CPAMD8: variants seen among roughly 807,000 people sequenced by gnomAD.
The protein encoded by CPAMD8 is C3 and PZP-like alpha-2-macroglobulin domain-containing protein 8.
In CPAMD8, 146 loss-of-function variants were observed where a neutral mutation model predicts 224.7. The ratio of observed to expected loss-of-function variants is 0.65; its 90% CI spans 0.57 to 0.75. The LOEUF is 0.75. CPAMD8 is among the 30% of genes least tolerant of loss of function. The pLI is 0.00. For missense variants in CPAMD8, 2,301 were observed against 2,537.5 expected (o/e 0.91, Z 2.00); for synonymous variants, 966 against 1,044.6 (o/e 0.92, Z 1.45).
chr19:17,008,685 T>G, intron 6 of CPAMD8, 126 bp from the exon 7 acceptor site: 2 of 1,081,114 alleles, frequency 1.8e-6, no homozygotes, highest in Non-Finnish European at 2.8e-6. Flanking sequence ...GTCCCAAGAT[T>G]AATCATTAAC....
intron 8 of CPAMD8, among the ~76,000 whole-genome samples, chr19:17,003,491 A>T (rs1382982391): frequency 6.6e-6 from 1 of 151,210 alleles, no homozygotes; most frequent in Non-Finnish European, 1.5e-5. Context: ...AGCCACCACC[A>T]TGCCTGGCCT....
chr19:16,923,378 C>T (rs777488881), intron 26 of CPAMD8, among the ~76,000 whole-genome samples: 23 of 152,114 alleles, frequency 1.5e-4, no homozygotes, highest in Non-Finnish European at 3.1e-4. Flanking sequence ...GAAGGCAGAG[C>T]TACTCAGCCA....
At chr19:16,932,862 A>G (rs894848778) in intron 23 of CPAMD8, among the ~76,000 whole-genome samples, 1 of 152,260 alleles carries the variant, frequency 6.6e-6, no homozygotes, top group African/African-American at 2.4e-5. Context: ...CCAAATGGGT[A>G]TAATTCAAAA....
intron 9 of CPAMD8, 74 bp downstream of exon 9, chr19:17,002,192 C>A: frequency 9.7e-7 from 1 of 1,027,740 alleles, no homozygotes; most frequent in South Asian, 1.4e-5. Flanking sequence ...GGGGAACGAC[C>A]TTGAGGGAGC....
chr19:16,986,487 C>A (rs1432921503), intron 13 of CPAMD8, among the ~76,000 whole-genome samples: 1 of 152,188 alleles, frequency 6.6e-6, no homozygotes, highest in Non-Finnish European at 1.5e-5. Context: ...CCCTGCACCA[C>A]TGGTTTAATG....
chr19:16,910,079 TG>T (rs1231684360), intron 29 of CPAMD8, among the ~76,000 whole-genome samples: 9 of 151,936 alleles, frequency 5.9e-5, no homozygotes, highest in Non-Finnish European at 1.0e-4. Flanking sequence ...CTCGGACTCC[TG>T]GACCCATGTG....
intron 21 of CPAMD8, among the ~76,000 whole-genome samples, chr19:16,946,186 T>C (rs758207529): frequency 8.0e-5 from 12 of 150,696 alleles, no homozygotes; most frequent in Non-Finnish European, 1.8e-4. Flanking sequence ...TTTGTGTGTG[T>C]GTGTGCATGT....
chr19:16,980,381 A>C, intron 14 of CPAMD8, 116 bp downstream of exon 14: 1 of 933,020 alleles, frequency 1.1e-6, no homozygotes, highest in Middle Eastern at 3.4e-4. Context: ...CCTCTGACCC[A>C]AGGCATGCTC....
chr19:17,004,492 C>T, intron 7 of CPAMD8, 106 bp from the exon 8 acceptor site: 1 of 693,466 alleles, frequency 1.4e-6, no homozygotes, highest in Non-Finnish European at 2.5e-6. Context: ...TGAGCAGCCC[C>T]CCAGGAGAAC....
chr19:16,945,056 G>A (rs938172936), intron 22 of CPAMD8, among the ~76,000 whole-genome samples: 56 of 152,242 alleles, frequency 3.7e-4, no homozygotes, highest in African/African-American at 1.1e-3. Flanking sequence ...CTTACAGAGC[G>A]GGGCTGGAAA....
chr19:17,014,270 G>A (rs1266270297), intron 3 of CPAMD8, among the ~76,000 whole-genome samples: 1 of 151,580 alleles, frequency 6.6e-6, no homozygotes, highest in Non-Finnish European at 1.5e-5. Flanking sequence ...TGTTGCCCAG[G>A]CTGGGCTCAA....
intron 22 of CPAMD8, among the ~76,000 whole-genome samples, chr19:16,939,192 TATCTATCTATG>T: frequency 1.2e-5 from 1 of 83,414 alleles, no homozygotes; most frequent in East Asian, 3.3e-4. Context: ...TTTATTTATC[TATCTATCTATG>T]TATCTATCTA....
At chr19:16,922,367 C>T (rs1296850999) in intron 26 of CPAMD8, among the ~76,000 whole-genome samples, 4 of 139,362 alleles carry the variant, frequency 2.9e-5, no homozygotes, top group African/African-American at 8.1e-5. Flanking sequence ...TCCCTGGAAC[C>T]GCAGCGCACC....
intron 3 of CPAMD8, among the ~76,000 whole-genome samples, chr19:17,016,539 T>A (rs970257826): frequency 5.9e-5 from 9 of 152,100 alleles, no homozygotes; most frequent in African/African-American, 2.2e-4. Context: ...GGCAGGTGGA[T>A]CACTTGAGGT....
chr19:16,943,098 T>G (rs1418911274), intron 22 of CPAMD8, among the ~76,000 whole-genome samples: 2 of 149,818 alleles, frequency 1.3e-5, no homozygotes, highest in East Asian at 4.0e-4. Context: ...TTACTGTAAC[T>G]CTCACCTCCT....
In CPAMD8 at chr19:16,903,860, G is replaced by A. The variant is rs367943801; in HGVS notation, c.4252-3C>T. 3 of 1,612,774 alleles carry A rather than the reference G, an allele frequency of 1.9e-6. No individual in the cohort carries two copies. Among genetic ancestry groups the A allele is most frequent in the South Asian group, 1.1e-5 (1 of 91,074 alleles). ...GCCTGCAGAGCCACGCAGGTGTCCTGGGGATGGAGGAGGAGACGGCCATCA... is the reference window on the plus strand; with the variant it reads ...GCCTGCAGAGCCACGCAGGTGTCCTAGGGATGGAGGAGGAGACGGCCATCA... On this transcript the variant is annotated splice_polypyrimidine_tract_variant and splice_region_variant and intron_variant, in intron 32 of 41. Coordinates refer to ENST00000443236, the MANE Select transcript of CPAMD8 (RefSeq NM_015692.5).
intron 29 of CPAMD8, among the ~76,000 whole-genome samples, chr19:16,910,084 C>T (rs1394668239): frequency 5.9e-5 from 9 of 151,636 alleles, no homozygotes; most frequent in Non-Finnish European, 1.0e-4. Context: ...ACTCCTGGAC[C>T]CATGTGATCC....
At chr19:17,021,908 C>CA in intron 2 of CPAMD8, 122 bp downstream of exon 2, 1 of 857,964 alleles carries the variant, frequency 1.2e-6, no homozygotes. Flanking sequence ...TCCCATGCCC[C>CA]TGGGGATTTA....
intron 6 of CPAMD8, among the ~76,000 whole-genome samples, chr19:17,008,968 C>T (rs2019123): frequency 0.31 from 46,921 of 151,852 alleles, 8,176 homozygotes; most frequent in Admixed American, 0.41. Flanking sequence ...TGGTGCCATA[C>T]GCCTGTAGTC....
Sources: gnomAD v4.1 joint callset for allele counts (sites outside exome capture counted in the v4.1 genomes callset) on GRCh38, gnomAD v4.1.1 for gene constraint, MANE v1.5 for transcripts, NCBI Gene and HGNC (gene_info 2026-07-23, HGNC 2026-07-21) for gene names.